DMD: variants seen among roughly 807,000 people sequenced by gnomAD.
DMD encodes dystrophin.
In DMD, 63 loss-of-function variants were observed where a neutral mutation model predicts 330.1. The ratio of observed to expected loss-of-function variants is 0.19; its 90% CI spans 0.16 to 0.24. The LOEUF is 0.24. DMD is among the 10% of genes least tolerant of loss of function. The pLI, the probability that DMD is intolerant of heterozygous loss-of-function variation, is 1.00. For synonymous variants in DMD, 1,223 were observed against 959.8 expected (o/e 1.27, Z -5.07); for missense variants, 3,344 against 2,684.1 (o/e 1.25, Z -5.43).
At chrX:31,557,729 G>A (rs1012423127) in intron 55 of DMD, among the ~76,000 whole-genome samples, 2 of 111,796 alleles carry the variant, frequency 1.8e-5, no homozygotes, top group African/African-American at 6.5e-5. Context: ...CCAAAGGAGG[G>A]GAAAGAGAAA....
intron 51 of DMD, among the ~76,000 whole-genome samples, chrX:31,749,243 C>T (rs1363008512): frequency 3.4e-4 from 36 of 106,348 alleles, no homozygotes; most frequent in East Asian, 9.2e-4. Context: ...GCTGCACCCA[C>T]TAACCCGTCA....
intron 63 of DMD, among the ~76,000 whole-genome samples, chrX:31,257,753 T>C (rs1250720633): frequency 1.8e-5 from 2 of 111,936 alleles, no homozygotes; most frequent in African/African-American, 3.3e-5. Flanking sequence ...GAGACCAGCC[T>C]AGCCAACATG....
chrX:32,871,497 C>T (rs952282357), intron 2 of DMD, among the ~76,000 whole-genome samples: 4 of 110,964 alleles, frequency 3.6e-5, no homozygotes, highest in Non-Finnish European at 7.5e-5. Context: ...AGGAAAGAGA[C>T]ATCAAGGATC....
intron 55 of DMD, among the ~76,000 whole-genome samples, chrX:31,625,975 T>C (rs960491105): frequency 9.0e-6 from 1 of 111,242 alleles, no homozygotes; most frequent in Non-Finnish European, 1.9e-5. Context: ...TAAACCCATG[T>C]ATTTTTATTT....
intron 45 of DMD, among the ~76,000 whole-genome samples, chrX:31,943,190 G>A (rs757833774): frequency 1.5e-4 from 17 of 112,357 alleles, no homozygotes; most frequent in Non-Finnish European, 2.4e-4. Flanking sequence ...TTTAGTATCT[G>A]GCACTTTACT....
rs765984560 is a variant in DMD, at chrX:33,100,190, GC to G, written c.32-79991del. 4.8e-4 allele frequency among the ~76,000 whole-genome samples: 53 copies of G among 111,393 alleles called. No homozygotes were observed. The South Asian group carries it at 8.6e-3, about 18-fold the overall frequency. The stretch of plus-strand genomic sequence containing the variant: ...ACACCAACTCAGTATCAGTTCTACA[GC>G]AAAACCATATGACAGAATATTATGG... On this transcript the variant is annotated intron_variant, in intron 1 of 78. Transcript: ENST00000357033.
At chrX:33,294,946 G>A (rs922591734) in intron 1 of DMD, among the ~76,000 whole-genome samples, 1 of 110,530 alleles carries the variant, frequency 9.0e-6, no homozygotes, top group East Asian at 2.9e-4. Context: ...ACAAAACATC[G>A]AGAATTTAAA....
At chrX:31,519,389 A>G (rs894622571) in intron 55 of DMD, among the ~76,000 whole-genome samples, 2 of 112,513 alleles carry the variant, frequency 1.8e-5, no homozygotes, top group African/African-American at 6.4e-5. Context: ...CTAAGAAGAA[A>G]GCAAGAACAT....
chrX:32,930,604 A>G (rs1443795340), intron 2 of DMD, among the ~76,000 whole-genome samples: 1 of 110,677 alleles, frequency 9.0e-6, no homozygotes, highest in Non-Finnish European at 1.9e-5. Flanking sequence ...TCAAGATTTC[A>G]GAAACATATA....
At chrX:31,560,316 C>T (rs888299931) in intron 55 of DMD, among the ~76,000 whole-genome samples, 1 of 111,864 alleles carries the variant, frequency 8.9e-6, no homozygotes, top group Non-Finnish European at 1.9e-5. Context: ...AAGGTTGACA[C>T]TGTCTTTAAA....
At chrX:32,252,923 TATATAA>T (rs1296742174) in intron 43 of DMD, among the ~76,000 whole-genome samples, 37 of 87,710 alleles carry the variant, frequency 4.2e-4, no homozygotes, top group African/African-American at 1.5e-3. Context: ...TATATATAGA[TATATAA>T]ATATATATAT....
intron 29 of DMD, among the ~76,000 whole-genome samples, chrX:32,419,166 G>A (rs1393315057): frequency 6.3e-5 from 7 of 110,357 alleles, no homozygotes; most frequent in Admixed American, 3.9e-4. Context: ...CCAGCTTAAT[G>A]AAATGTTTTC....
In DMD at chrX:32,508,489, T is replaced by C. The variant is rs181029195; in HGVS notation, c.2293-6647A>G. ...ACAACAAAAGGGCCTGCAGTCACCC[T>C]TTTTGCTCTGCTGTTATCAGTTCTG... On this transcript the variant is annotated intron_variant, in intron 18 of 78. Coordinates refer to ENST00000357033, the MANE Select transcript of DMD (RefSeq NM_004006.3). Among the ~76,000 whole-genome samples, 285 of 111,469 alleles carry C rather than the reference T, an allele frequency of 2.6e-3. 2 individuals carry two copies. Among genetic ancestry groups the C allele is most frequent in the African/African-American group, 8.8e-3 (269 of 30,696 alleles).
chrX:31,915,176 G>T (rs1305872073), intron 47 of DMD, among the ~76,000 whole-genome samples: 1 of 112,438 alleles, frequency 8.9e-6, no homozygotes, highest in East Asian at 2.8e-4. Context: ...TGGACTTTTA[G>T]CTGGATGCAG....
chrX:32,851,805 T>C (rs756654791), intron 2 of DMD, among the ~76,000 whole-genome samples: 5 of 111,434 alleles, frequency 4.5e-5, no homozygotes, highest in Non-Finnish European at 9.4e-5. Context: ...CCTGTCACAG[T>C]GGGAAGCAAC....
At chrX:32,693,198 A>T (rs990787327) in intron 9 of DMD, among the ~76,000 whole-genome samples, 8 of 111,721 alleles carry the variant, frequency 7.2e-5, no homozygotes, top group African/African-American at 2.3e-4. Context: ...AAGGCATGGA[A>T]ATGGATTCTC....
intron 1 of DMD, among the ~76,000 whole-genome samples, chrX:33,083,366 A>G (rs988951868): frequency 2.6e-4 from 29 of 111,968 alleles, no homozygotes; most frequent in African/African-American, 7.5e-4. Context: ...CTCTTTCCGC[A>G]CCCAATATCA....
chrX:32,761,465 A>G (rs2072281602), intron 7 of DMD, among the ~76,000 whole-genome samples: 1 of 112,195 alleles, frequency 8.9e-6, no homozygotes, highest in Non-Finnish European at 1.9e-5. Flanking sequence ...AAAATGGCCA[A>G]TGTAACTTAT....
chrX:32,549,703 C>T (rs1468457028), intron 16 of DMD, among the ~76,000 whole-genome samples: 1 of 111,168 alleles, frequency 9.0e-6, no homozygotes, highest in Non-Finnish European at 1.9e-5. Flanking sequence ...ATTGGAAGAG[C>T]ATTTGCCAGC....
Sources: gnomAD v4.1 joint callset for allele counts (sites outside exome capture counted in the v4.1 genomes callset) on GRCh38, gnomAD v4.1.1 for gene constraint, MANE v1.5 for transcripts, NCBI Gene and HGNC (gene_info 2026-07-23, HGNC 2026-07-21) for gene names.